MSN: variants seen among roughly 807,000 people sequenced by gnomAD.
MSN encodes epididymis luminal protein 70.
In MSN, 2 loss-of-function variants were observed where a neutral mutation model predicts 48.0. The ratio of observed to expected loss-of-function variants is 0.04; its 90% CI spans 0.02 to 0.13. The LOEUF (loss-of-function observed/expected upper bound fraction) is 0.13, where lower values mean the gene tolerates loss of function less well. MSN is among the 10% of genes least tolerant of loss of function. MSN has a pLI of 1.00. For synonymous variants in MSN, 146 were observed against 166.9 expected (o/e 0.87, Z 0.97); for missense variants, 267 against 470.1 (o/e 0.57, Z 3.99).
chrX:65,696,176 T>G (rs1001793097), intron 1 of MSN, among the ~76,000 whole-genome samples: 1 of 110,178 alleles, frequency 9.1e-6, no homozygotes, highest in Non-Finnish European at 1.9e-5. Context: ...TCCATTTATC[T>G]GCATATTTCC....
chrX:65,647,312 A>G (rs1284248939), intron 1 of MSN, among the ~76,000 whole-genome samples: 35 of 108,438 alleles, frequency 3.2e-4, no homozygotes, highest in Non-Finnish European at 1.1e-4. Flanking sequence ...CCCGGGTTCA[A>G]GCAATTCTCC....
At chrX:65,702,252 A>G (rs1186926049) in intron 1 of MSN, among the ~76,000 whole-genome samples, 5 of 103,183 alleles carry the variant, frequency 4.8e-5, no homozygotes, top group Admixed American at 2.1e-4. Flanking sequence ...GCCTCAAGTG[A>G]TCTGCCCGCC....
upstream of MSN, among the ~76,000 whole-genome samples, chrX:65,665,876 A>T (rs1445836056): frequency 8.9e-6 from 1 of 111,752 alleles, no homozygotes; most frequent in African/African-American, 3.3e-5. Context: ...TATCCTTTCC[A>T]TTGTCTCAAA....
chrX:65,741,199 T>G lies in MSN; in HGVS notation c.*1306T>G, dbSNP rs1348919530. On this transcript the variant is annotated 3_prime_UTR_variant, in exon 13 of 13. Coordinates refer to ENST00000360270, the MANE Select transcript of MSN (RefSeq NM_002444.3). ...AGAGCTGCTGGGGATTCTGGCCTAGTCCCTTCCACACCCCCACCCCTTGCT... is the reference window on the plus strand; with the variant it reads ...AGAGCTGCTGGGGATTCTGGCCTAGGCCCTTCCACACCCCCACCCCTTGCT... 2.4e-5 allele frequency: 4 copies of G among 168,891 alleles called. No homozygotes were observed. The highest frequency in any genetic ancestry group is 1.2e-4 in the African/African-American group (4 of 33,412). 13.9% of individuals were successfully genotyped at this position (168,891 alleles called of 1,213,427 possible).
intron 2 of MSN, among the ~76,000 whole-genome samples, chrX:65,723,487 C>T (rs1373113498): frequency 6.3e-5 from 7 of 111,049 alleles, no homozygotes; most frequent in Admixed American, 2.9e-4. Context: ...AGCTGGCTGT[C>T]GGGTCAAAGG....
intron 1 of MSN, among the ~76,000 whole-genome samples, chrX:65,618,283 A>T (rs28830229): frequency 9.0e-4 from 100 of 111,151 alleles, no homozygotes; most frequent in African/African-American, 3.0e-3. Flanking sequence ...TGTCTTGTTG[A>T]TCTGTCTAAT....
intron 1 of MSN, among the ~76,000 whole-genome samples, chrX:65,696,863 G>C (rs1490743461): frequency 9.0e-6 from 1 of 110,835 alleles, no homozygotes; most frequent in African/African-American, 3.3e-5. Context: ...TAATAAGCTG[G>C]ATGCCATGTG....
chrX:65,730,581 A>G (rs1410729523), intron 4 of MSN, among the ~76,000 whole-genome samples: 2 of 108,592 alleles, frequency 1.8e-5, no homozygotes, highest in East Asian at 5.7e-4. Flanking sequence ...TTTAAAGCAA[A>G]CCTTGTTTAT....
chrX:65,608,411 G>T (rs1317640382), intron 1 of MSN, among the ~76,000 whole-genome samples: 1 of 110,744 alleles, frequency 9.0e-6, no homozygotes, highest in Admixed American at 9.7e-5. Context: ...ATTTATGCAA[G>T]GCCCATGCAG....
rs141892576 is a variant in MSN at position 65,711,476 on chromosome X, G to A, written c.13-5342G>A. 5.7e-3 allele frequency among the ~76,000 whole-genome samples: 645 copies of A among 112,528 alleles called. 1 individual carries two copies. Among genetic ancestry groups the A allele is most frequent in the Non-Finnish European group, 9.0e-3 (482 of 53,312 alleles). ...CTCCCAAAGTGCTGGGATTACAGGC[G>A]TGAGACACCATACCCGGCCCCTAAC... On this transcript the variant is annotated intron_variant, in intron 1 of 12. Transcript: ENST00000360270.
chrX:65,618,641 T>C (rs2070400635), intron 1 of MSN, among the ~76,000 whole-genome samples: 1 of 111,429 alleles, frequency 9.0e-6, no homozygotes, highest in Non-Finnish European at 1.9e-5. Flanking sequence ...AGCACACTGT[T>C]GGGTCTTGAC....
At chrX:65,637,143 C>T (rs2070610862) in intron 1 of MSN, among the ~76,000 whole-genome samples, 1 of 109,265 alleles carries the variant, frequency 9.2e-6, no homozygotes, top group African/African-American at 3.3e-5. Flanking sequence ...TGGTTCATGC[C>T]TGTAATCCCA....
intron 1 of MSN, among the ~76,000 whole-genome samples, chrX:65,681,471 C>T (rs2071054403): frequency 9.0e-6 from 1 of 111,657 alleles, no homozygotes; most frequent in Non-Finnish European, 1.9e-5. Context: ...GGGGATCCAA[C>T]AGTGTTGGAT....
chrX:65,610,701 C>A (rs1395493438), intron 1 of MSN, among the ~76,000 whole-genome samples: 1 of 112,226 alleles, frequency 8.9e-6, no homozygotes, highest in Non-Finnish European at 1.9e-5. Flanking sequence ...ATAGCATCTG[C>A]ACCATTTTGC....
chrX:65,663,839 A>G (rs2070843890), upstream of MSN, among the ~76,000 whole-genome samples: 1 of 110,437 alleles, frequency 9.1e-6, no homozygotes, highest in Admixed American at 9.7e-5. Context: ...TGGGCTGATC[A>G]CAAGGTCAGG....
intron 1 of MSN, among the ~76,000 whole-genome samples, chrX:65,644,213 T>G (rs2070678574): frequency 8.9e-6 from 1 of 112,045 alleles, no homozygotes; most frequent in African/African-American, 3.2e-5. Context: ...CAATTAAATC[T>G]GTAACATCCT....
At chrX:65,644,187 G>C (rs1032479628) in intron 1 of MSN, among the ~76,000 whole-genome samples, 4 of 112,127 alleles carry the variant, frequency 3.6e-5, no homozygotes, top group African/African-American at 1.3e-4. Context: ...GGCTGAAAAG[G>C]TCACAGGATG....
intron 1 of MSN, among the ~76,000 whole-genome samples, chrX:65,637,316 C>T (rs1490945343): frequency 3.8e-5 from 4 of 106,188 alleles, no homozygotes; most frequent in Non-Finnish European, 7.7e-5. Context: ...GCAGGAGAAT[C>T]ACTTGAACTC....
intron 3 of MSN, 34 bp downstream of exon 3, chrX:65,727,943 C>A (rs1438897878): frequency 8.8e-7 from 1 of 1,138,801 alleles, no homozygotes; most frequent in South Asian, 1.8e-5. Flanking sequence ...ATTTAGAATT[C>A]TTTTCTTTTC....
Sources: allele counts gnomAD v4.1 joint callset (sites outside exome capture counted in the v4.1 genomes callset), GRCh38; gene constraint gnomAD v4.1.1; transcripts MANE v1.5; gene names NCBI Gene and HGNC (gene_info 2026-07-23, HGNC 2026-07-21).